Variants in INTS4 observed in about 807,000 individuals in gnomAD.
INTS4 encodes the protein MSTP093.
A neutral mutation model predicts 119.5 loss-of-function variants in INTS4; 70 were observed. The observed-to-expected ratio is 0.59, with a 90% CI of 0.48 to 0.71. INTS4 has a LOEUF of 0.71. Among genes scored for constraint, INTS4 ranks in the 30% least tolerant of loss-of-function variants. INTS4 has a pLI of 0.00. For synonymous variants in INTS4, 316 were observed against 419.6 expected, an observed-to-expected ratio of 0.75 and a Z score of 3.02; for missense variants, 867 against 1,173.2, an observed-to-expected ratio of 0.74 and a Z score of 3.81.
intron 21 of INTS4, 46 bp from the exon 22 acceptor site, chr11:77,883,998 T>C (rs767290518): frequency 3.8e-6 from 6 of 1,586,832 alleles, no homozygotes; most frequent in Non-Finnish European, 5.2e-6. Flanking sequence ...GAGAGGAGCA[T>C]TTAACAAAAT....
At chr11:77,988,055 A>T (rs936749611) in intron 2 of INTS4, among the ~76,000 whole-genome samples, 13 of 152,196 alleles carry the variant, frequency 8.5e-5, no homozygotes, top group Admixed American at 2.6e-4. Context: ...ACGATTTTTT[A>T]AAAAATTTTT....
intron 2 of INTS4, among the ~76,000 whole-genome samples, chr11:77,986,430 A>C (rs1348711409): frequency 3.9e-5 from 6 of 152,210 alleles, no homozygotes; most frequent in Non-Finnish European, 5.9e-5. Flanking sequence ...AGAGTGCGGC[A>C]ATTCCTCAAG....
intron 8 of INTS4, among the ~76,000 whole-genome samples, chr11:77,948,412 C>T (rs749268891): frequency 6.6e-6 from 1 of 151,868 alleles, no homozygotes. Flanking sequence ...CTTGGGAGGC[C>T]AAGGCAGGCG....
intron 1 of INTS4, among the ~76,000 whole-genome samples, chr11:77,992,644 G>C (rs1124589): frequency 0.36 from 54,209 of 152,044 alleles, 9,996 homozygotes; most frequent in African/African-American, 0.42. Context: ...AGAAAAGAGA[G>C]TAGAATTATT....
intron 1 of INTS4, among the ~76,000 whole-genome samples, chr11:77,991,798 C>T (rs1426127528): frequency 1.3e-5 from 2 of 152,072 alleles, no homozygotes; most frequent in Non-Finnish European, 2.9e-5. Flanking sequence ...GACACTGTCG[C>T]CCAGGCAGGA....
chr11:77,883,449 T>C (rs184477727), intron 22 of INTS4, among the ~76,000 whole-genome samples: 17 of 152,298 alleles, frequency 1.1e-4, no homozygotes, highest in African/African-American at 3.4e-4. Context: ...AGAATTATTA[T>C]TGTCATTTGG....
chr11:77,889,311 C>T (rs1952156730), intron 21 of INTS4, among the ~76,000 whole-genome samples: 2 of 151,522 alleles, frequency 1.3e-5, no homozygotes, highest in South Asian at 2.1e-4. Flanking sequence ...AAACCAAACA[C>T]CGCATGTTCT....
intron 10 of INTS4, among the ~76,000 whole-genome samples, chr11:77,936,087 A>G (rs1325254926): frequency 6.6e-6 from 1 of 152,088 alleles, no homozygotes; most frequent in Non-Finnish European, 1.5e-5. Context: ...AATAATGTTC[A>G]GTATCCAATA....
chr11:77,883,466 A>C (rs1951871656), intron 22 of INTS4, among the ~76,000 whole-genome samples: 1 of 152,226 alleles, frequency 6.6e-6, no homozygotes, highest in African/African-American at 2.4e-5. Flanking sequence ...TTGGAAGATA[A>C]GGAAAAAGAC....
At chr11:77,953,670 G>A (rs989792583) in intron 8 of INTS4, among the ~76,000 whole-genome samples, 2 of 151,264 alleles carry the variant, frequency 1.3e-5, no homozygotes, top group Non-Finnish European at 2.9e-5. Flanking sequence ...TGCAACCCCT[G>A]CCTCCCAGGT....
chr11:77,963,133 A>G (rs1191067929), intron 4 of INTS4, among the ~76,000 whole-genome samples: 3 of 152,192 alleles, frequency 2.0e-5, no homozygotes, highest in African/African-American at 7.2e-5. Context: ...TTGATTTTCA[A>G]GCAATAAACT....
At chr11:77,922,532 A>G (rs1953389087) in intron 12 of INTS4, 61 bp from the exon 13 acceptor site, 3 of 698,300 alleles carry the variant, frequency 4.3e-6, no homozygotes, top group Non-Finnish European at 7.3e-6. Flanking sequence ...TTTGAAAAGT[A>G]CTAGGAACTG....
chr11:77,924,619 A>G (rs754012363), intron 12 of INTS4, 131 bp downstream of exon 12: 1 of 700,428 alleles, frequency 1.4e-6, no homozygotes, highest in East Asian at 2.7e-5. Context: ...GTTAAGTTGA[A>G]TCAGGTTTCT....
In INTS4 at chr11:77,891,380, G is replaced by A. The variant is rs565732679; in HGVS notation, c.2531C>T (p.Ala844Val). 59 of 1,612,012 alleles carry A rather than the reference G, an allele frequency of 3.7e-5. No homozygotes were observed. Among genetic ancestry groups the A allele is most frequent in the Non-Finnish European group, 4.7e-5 (55 of 1,179,122 alleles). Residue 844 changes from alanine (A) to valine (V), a missense_variant, in exon 21 of 23, where the codon GCC becomes GTC. Physicochemically the swap from Ala to Val is moderately conservative, Grantham distance 64. Coordinates refer to ENST00000534064, the MANE Select transcript of INTS4 (RefSeq NM_033547.4). ...PLRFTSGLVVALDVDATLEHV... is the reference protein window; with the variant it reads ...PLRFTSGLVVVLDVDATLEHV... The stretch of plus-strand genomic sequence containing the variant: ...CTCCAGGGTTGCATCAACATCCAGG[G>A]CAACCACCAACCCAGAGGTAAACCG...
In INTS4 at chr11:77,956,014, A is replaced by G; in HGVS notation, c.846T>C (p.Asp282=). The change falls in exon 8 of 23, where the codon GAT becomes GAC. Residue 282 remains aspartate (D), a synonymous_variant. Transcript: ENST00000534064. The part of the protein sequence containing the change: ...SSNEEIRLVD[D]AFGKICHMVS... ...CCATGTGACAAATTTTGCCAAACGC[A>G]TCATCAACTAAGCGTATTTCTTCAT... 1 of 1,610,444 alleles carries G rather than the reference A, an allele frequency of 6.2e-7. No individual in the cohort carries two copies. The highest frequency in any genetic ancestry group is 8.5e-7 in the Non-Finnish European group (1 of 1,179,514).
chr11:77,879,593 C>T (rs994227897), intron 22 of INTS4, among the ~76,000 whole-genome samples: 1 of 152,092 alleles, frequency 6.6e-6, no homozygotes, highest in Admixed American at 6.5e-5. Context: ...AAGTGGTTCG[C>T]CAAAAAGTTT....
At chr11:77,927,334 C>T (rs1953532986) in intron 11 of INTS4, among the ~76,000 whole-genome samples, 1 of 152,118 alleles carries the variant, frequency 6.6e-6, no homozygotes, top group African/African-American at 2.4e-5. Flanking sequence ...AGTAGAAGTG[C>T]TAAGCAGCTG....
At chr11:77,939,811 C>T (rs1227693993) in intron 9 of INTS4, among the ~76,000 whole-genome samples, 2 of 151,534 alleles carry the variant, frequency 1.3e-5, no homozygotes, top group East Asian at 3.9e-4. Context: ...CACCACTGCA[C>T]TCCAGCCTGG....
chr11:77,981,233 T>C (rs1856204891), intron 3 of INTS4, among the ~76,000 whole-genome samples: 1 of 148,278 alleles, frequency 6.7e-6, no homozygotes, highest in South Asian at 2.1e-4. Flanking sequence ...CTATATCATA[T>C]GTAAACTACC....
Sources: allele counts gnomAD v4.1 joint callset (sites outside exome capture counted in the v4.1 genomes callset), GRCh38; gene constraint gnomAD v4.1.1; transcripts MANE v1.5; gene names NCBI Gene and HGNC (gene_info 2026-07-23, HGNC 2026-07-21).